GALNT3: variants seen among roughly 807,000 people sequenced by gnomAD.
GALNT3 encodes the protein polypeptide N-acetylgalactosaminyltransferase 3.
In GALNT3, 51 loss-of-function variants were observed where a neutral mutation model predicts 69.8. The observed-to-expected ratio is 0.73, with a 90% CI of 0.58 to 0.92. The LOEUF (loss-of-function observed/expected upper bound fraction) is 0.92. Among genes scored for constraint, GALNT3 ranks in the 40% least tolerant of loss-of-function variants. The probability of loss-of-function intolerance (pLI) is 0.00; values close to 1 mark genes in which losing one functional copy is unlikely to be tolerated. For missense variants in GALNT3, 711 were observed against 760.0 expected (o/e 0.94, Z 0.76); for synonymous variants, 265 against 248.5 (o/e 1.07, Z -0.63).
Position 165,748,737 on chromosome 2 carries a change from A to G in GALNT3, c.*44T>C, listed in dbSNP as rs1258623795. 1 of 1,557,270 alleles carries G rather than the reference A, an allele frequency of 6.4e-7. No homozygotes were observed. Among genetic ancestry groups the G allele is most frequent in the South Asian group, 1.1e-5 (1 of 88,244 alleles). On this transcript the variant is annotated 3_prime_UTR_variant, in exon 11 of 11. Transcript: ENST00000392701. Reference sequence around the variant, plus strand: ...ACAGTGTATGCCTAGTCACAGTTTTATGAGAAAGAATATTTCCTTTTTCAA... The same window carrying G: ...ACAGTGTATGCCTAGTCACAGTTTTGTGAGAAAGAATATTTCCTTTTTCAA...
At chr2:165,783,071 T>G (rs1683146344) in intron 1 of GALNT3, among the ~76,000 whole-genome samples, 1 of 152,168 alleles carries the variant, frequency 6.6e-6, no homozygotes, top group African/African-American at 2.4e-5. Context: ...ATGTATATAC[T>G]TTGTATTTGG....
chr2:165,793,556 T>C (rs759113224), intron 1 of GALNT3, among the ~76,000 whole-genome samples: 5 of 152,298 alleles, frequency 3.3e-5, no homozygotes, highest in Non-Finnish European at 2.9e-5. Flanking sequence ...GAAAGTTGCC[T>C]GGCAAAGCCA....
rs1232130552 is a variant in GALNT3, at chr2:165,757,221, C to T, written c.1218G>A (p.Glu406=). 2 of 1,613,934 alleles carry T rather than the reference C, an allele frequency of 1.2e-6. No individual in the cohort carries two copies. The highest frequency in any genetic ancestry group is 1.7e-6 in the Non-Finnish European group (2 of 1,179,928). Residue 406 remains glutamate (E), a synonymous_variant, in exon 7 of 11, where the codon GAG becomes GAA. Coordinates refer to ENST00000392701, the MANE Select transcript of GALNT3 (RefSeq NM_004482.4). ...GTCCAACAACAGAGCAAGGCATAATCTCCAACTGCCCACCACATTGCCATA... is the reference window on the plus strand; with the variant it reads ...GTCCAACAACAGAGCAAGGCATAATTTCCAACTGCCCACCACATTGCCATA... ...FRVWQCGGQL[E]IMPCSVVGHV... is the part of the protein sequence containing the mutation.
Position 165,754,729 on chromosome 2 carries a change from C to A in GALNT3, c.1525-1G>T. 6.2e-7 allele frequency: 1 copy of A among 1,608,180 alleles called. No individual in the cohort carries two copies. The highest frequency in any genetic ancestry group is 8.5e-7 in the Non-Finnish European group (1 of 1,176,346). On this transcript the variant is annotated splice_acceptor_variant, in intron 8 of 10. Coordinates refer to ENST00000392701, the MANE Select transcript of GALNT3 (RefSeq NM_004482.4). LOFTEE classifies it high-confidence loss of function. ...ATAGAGGCTGACCAACGCTTTTAAT[C>A]TAAAGGAAAATTTTCAAGTTATGAA...
At chr2:165,770,045 A>T in intron 2 of GALNT3, 141 bp downstream of exon 2, 2 of 952,356 alleles carry the variant, frequency 2.1e-6, no homozygotes, top group Non-Finnish European at 3.3e-6. Context: ...AGCAAAAAAT[A>T]AATACAACAG....
chr2:165,749,671 CTCATTT>C, intron 10 of GALNT3, 65 bp downstream of exon 10: 1 of 1,297,502 alleles, frequency 7.7e-7, no homozygotes, highest in Non-Finnish European at 1.1e-6. Context: ...CCATGTTCCA[CTCATTT>C]TCCCAGATAA....
At chr2:165,758,717 A>T in intron 6 of GALNT3, 30 bp downstream of exon 6, 1 of 1,222,158 alleles carries the variant, frequency 8.2e-7, no homozygotes, top group Non-Finnish European at 1.2e-6. Context: ...TGTTTAATAT[A>T]TCTGCTATAT....
chr2:165,782,566 A>G (rs1469094760), intron 1 of GALNT3, among the ~76,000 whole-genome samples: 1 of 152,108 alleles, frequency 6.6e-6, no homozygotes, highest in Non-Finnish European at 1.5e-5. Flanking sequence ...CCAATTATTC[A>G]TTAAAGAACT....
intron 1 of GALNT3, among the ~76,000 whole-genome samples, chr2:165,791,887 C>T (rs1331104910): frequency 3.3e-5 from 5 of 151,912 alleles, no homozygotes; most frequent in South Asian, 2.1e-4. Context: ...AATATTTGGA[C>T]AAGTAGAAAT....
chr2:165,785,317 A>G (rs1683197603), intron 1 of GALNT3, among the ~76,000 whole-genome samples: 1 of 152,232 alleles, frequency 6.6e-6, no homozygotes, highest in African/African-American at 2.4e-5. Context: ...GTTAAATGGG[A>G]ACAAAAAAAG....
intron 1 of GALNT3, among the ~76,000 whole-genome samples, chr2:165,784,149 A>G (rs1683172330): frequency 6.6e-6 from 1 of 152,164 alleles, no homozygotes; most frequent in Non-Finnish European, 1.5e-5. Flanking sequence ...CAATTACCAT[A>G]CACAGTGAGG....
chr2:165,767,549 C>A (rs1018949336), intron 2 of GALNT3, among the ~76,000 whole-genome samples: 2 of 152,114 alleles, frequency 1.3e-5, no homozygotes. Flanking sequence ...AATGTCATAT[C>A]AATACAAGTA....
intron 3 of GALNT3, among the ~76,000 whole-genome samples, chr2:165,764,476 T>C (rs1688604032): frequency 6.6e-6 from 1 of 152,170 alleles, no homozygotes; most frequent in South Asian, 2.1e-4. Flanking sequence ...TAACAACACA[T>C]AATATATTTA....
At chr2:165,769,283 G>A (rs1415108477) in intron 2 of GALNT3, among the ~76,000 whole-genome samples, 3 of 147,552 alleles carry the variant, frequency 2.0e-5, no homozygotes, top group African/African-American at 4.9e-5. Flanking sequence ...CCACATGCCT[G>A]TAGTCCCAGC....
At chr2:165,781,881 A>G (rs1012774727) in intron 1 of GALNT3, among the ~76,000 whole-genome samples, 1 of 152,194 alleles carries the variant, frequency 6.6e-6, no homozygotes, top group Non-Finnish European at 1.5e-5. Flanking sequence ...TGCTAGATAA[A>G]AACAAATTGT....
At chr2:165,787,482 C>A (rs1461910890) in intron 1 of GALNT3, among the ~76,000 whole-genome samples, 1 of 152,120 alleles carries the variant, frequency 6.6e-6, no homozygotes, top group Admixed American at 6.5e-5. Context: ...AAAGATCACT[C>A]TGGGTGCAGG....
chr2:165,788,301 A>G (rs1048776101), intron 1 of GALNT3, among the ~76,000 whole-genome samples: 1 of 141,942 alleles, frequency 7.0e-6, no homozygotes, highest in East Asian at 2.1e-4. Flanking sequence ...TGGGCGATAG[A>G]GCAAGACATC....
Position 165,759,387 on chromosome 2 carries a change from G to T in GALNT3, c.1022C>A (p.Ser341Ter), listed in dbSNP as rs753658189. Reference sequence around the variant, plus strand: ...TCTTTGCTTCTCATGATCAGGAAGCGACTCCCAGCCAAATGAAAGACTCCA... The same window carrying T: ...TCTTTGCTTCTCATGATCAGGAAGCTACTCCCAGCCAAATGAAAGACTCCA... Reference protein sequence around the residue: ...FDWSLSFGWESLPDHEKQRRK... With the variant: ...FDWSLSFGWE The change falls in exon 5 of 11, where the codon TCG becomes TAG. Residue 341 changes from serine to a stop codon, truncating the protein, a stop_gained. Coordinates refer to ENST00000392701, the MANE Select transcript of GALNT3 (RefSeq NM_004482.4). LOFTEE classifies it high-confidence loss of function. 2 of 1,613,986 alleles carry T rather than the reference G, an allele frequency of 1.2e-6. No individual in the cohort carries two copies. Among genetic ancestry groups the T allele is most frequent in the Non-Finnish European group, 1.7e-6 (2 of 1,179,978 alleles).
chr2:165,761,059 T>G (rs1201882964), intron 4 of GALNT3, among the ~76,000 whole-genome samples: 1 of 152,022 alleles, frequency 6.6e-6, no homozygotes, highest in African/African-American at 2.4e-5. Flanking sequence ...TATTTTGGTT[T>G]TGTGGTTTTT....
Sources: allele counts gnomAD v4.1 joint callset (sites outside exome capture counted in the v4.1 genomes callset), GRCh38; gene constraint gnomAD v4.1.1; transcripts MANE v1.5; gene names NCBI Gene and HGNC (gene_info 2026-07-23, HGNC 2026-07-21).